RABL2B: variants seen among roughly 807,000 people sequenced by gnomAD.
RABL2B encodes rab-like protein 2B.
Under a neutral mutation model 26.7 loss-of-function variants are expected in RABL2B, and 17 were observed. That is an observed-to-expected ratio of 0.64 (90% CI 0.44 to 0.95). The LOEUF (loss-of-function observed/expected upper bound fraction) is 0.95, where lower values mean the gene tolerates loss of function less well. Ranked by LOEUF, RABL2B falls within the 40% of genes least tolerant of loss-of-function variation. The pLI is 0.00. For missense variants in RABL2B, 170 were observed against 277.2 expected, an observed-to-expected ratio of 0.61 and a Z score of 2.75; for synonymous variants, 70 against 103.9, an observed-to-expected ratio of 0.67 and a Z score of 1.99.
In RABL2B at chr22:50,778,024, T is replaced by C. The variant is rs192355741; in HGVS notation, c.108-43A>G. On this transcript the variant is annotated intron_variant, in intron 2 of 8. Coordinates refer to ENST00000691320, the MANE Select transcript of RABL2B (RefSeq NM_001130919.3). ...AAGGTGGTCAGATGGCGTCTCCATCTCTCCCTCGTCCCAGACTTTTTCACC... is the reference window on the plus strand; with the variant it reads ...AAGGTGGTCAGATGGCGTCTCCATCCCTCCCTCGTCCCAGACTTTTTCACC... The C allele has an allele frequency of 2.9e-4, 469 of 1,613,844 alleles. 2 individuals are homozygous for C. The African/African-American group carries it at 5.7e-3, about 20-fold the overall frequency.
rs1555924639 is a variant in RABL2B, at chr22:50,776,753, C to T, written c.138-4G>A. 6.2e-7 allele frequency: 1 copy of T among 1,605,150 alleles called. No individual in the cohort carries two copies. The highest frequency in any genetic ancestry group is 1.1e-5 in the South Asian group (1 of 89,354). Reference sequence around the variant, plus strand: ...CGTGGACAGCTGCTGTGGCTGACTGCACTCAGGTTAAGGAGCAAAATCAAT... The same window carrying T: ...CGTGGACAGCTGCTGTGGCTGACTGTACTCAGGTTAAGGAGCAAAATCAAT... On this transcript the variant is annotated splice_polypyrimidine_tract_variant and splice_region_variant and intron_variant, in intron 3 of 8. Transcript: ENST00000691320.
At chr22:50,777,797 A>G in intron 3 of RABL2B, 155 bp downstream of exon 3, 1 of 1,158,364 alleles carries the variant, frequency 8.6e-7, no homozygotes, top group Non-Finnish European at 1.3e-6. Flanking sequence ...ATGTGGGTCA[A>G]TCGGCAAGAA....
chr22:50,774,847 G>A (rs1422580526), intron 5 of RABL2B, among the ~76,000 whole-genome samples: 4 of 151,334 alleles, frequency 2.6e-5, no homozygotes, highest in South Asian at 2.1e-4. Flanking sequence ...GTGTGATCTC[G>A]GCTCACTGCA....
rs1417257146 is a variant in RABL2B, at chr22:50,767,885, G to C, written c.*891C>G. 1.1e-5 allele frequency: 4 copies of C among 359,872 alleles called. No homozygotes were observed. Among genetic ancestry groups the C allele is most frequent in the African/African-American group, 2.2e-5 (1 of 45,304 alleles). The allele number at this position is 359,872 out of a possible 1,614,324, so 22.3% of individuals were successfully genotyped here. On this transcript the variant is annotated 3_prime_UTR_variant, in exon 9 of 9. Transcript: ENST00000691320. Reference sequence around the variant, plus strand: ...GTTCCTGTGATCTCAGCTTTACCTAGAAGAGCTCCTGAAACAGAATGGGTA... The same window carrying C: ...GTTCCTGTGATCTCAGCTTTACCTACAAGAGCTCCTGAAACAGAATGGGTA...
intron 3 of RABL2B, among the ~76,000 whole-genome samples, chr22:50,777,419 C>G (rs1169783641): frequency 2.1e-5 from 3 of 141,962 alleles, no homozygotes; most frequent in Non-Finnish European, 3.0e-5. Context: ...TCCAGGGGCT[C>G]CTCTCACCTG....
At chr22:50,775,678 C>G (rs1442175135) in intron 5 of RABL2B, 94 bp downstream of exon 5, 2 of 1,366,848 alleles carry the variant, frequency 1.5e-6, no homozygotes, top group Admixed American at 1.8e-5. Context: ...CCACAACACC[C>G]AGACTTGGTT....
In RABL2B at chr22:50,772,909, A is replaced by G; in HGVS notation, c.297+2863T>C. 4 of 1,203,312 alleles carry G rather than the reference A, an allele frequency of 3.3e-6. No homozygotes were observed. In the South Asian group the frequency reaches 6.2e-5, roughly 19 times the overall value. The allele number at this position is 1,203,312 out of a possible 1,614,324, so 74.5% of individuals were successfully genotyped here. ...CTCAAGGTTTCAAGGTGGAGGGTCG[A>G]GCCCTGGTTCCGTCTCTGACCCTCA... On this transcript the variant is annotated intron_variant, in intron 5 of 8. Coordinates refer to ENST00000691320, the MANE Select transcript of RABL2B (RefSeq NM_001130919.3).
At chr22:50,776,596 C>A in intron 4 of RABL2B, 74 bp downstream of exon 4, 4 of 1,549,208 alleles carry the variant, frequency 2.6e-6, no homozygotes, top group Non-Finnish European at 2.6e-6. Flanking sequence ...TCCTTATGAA[C>A]CTTCCCTCAC....
intron 2 of RABL2B, among the ~76,000 whole-genome samples, chr22:50,781,130 G>T (rs1317337760): frequency 6.6e-6 from 1 of 152,092 alleles, no homozygotes; most frequent in South Asian, 2.1e-4. Context: ...CACAAGGTCC[G>T]GAGATCAAGA....
At chr22:50,772,277 C>T in intron 5 of RABL2B, 1 of 975,242 alleles carries the variant, frequency 1.0e-6, no homozygotes, top group Non-Finnish European at 1.2e-6. Context: ...GATCTGCCCG[C>T]CTAGGCCTCC....
chr22:50,782,599 C>T (rs1443018395), intron 1 of RABL2B, among the ~76,000 whole-genome samples: 2 of 151,942 alleles, frequency 1.3e-5, no homozygotes, highest in Non-Finnish European at 2.9e-5. Flanking sequence ...CACCAGGCAT[C>T]CAGTGCCAAA....
intron 1 of RABL2B, 100 bp from the exon 2 acceptor site, chr22:50,782,447 C>G: frequency 6.6e-7 from 1 of 1,505,746 alleles, no homozygotes; most frequent in Non-Finnish European, 9.0e-7. Flanking sequence ...CAGTGCCAGA[C>G]TGAGATATGG....
At chr22:50,771,998 TTTTA>T (rs1281549110) in intron 5 of RABL2B, 2 of 152,142 alleles carry the variant, frequency 1.3e-5, no homozygotes, top group Admixed American at 6.5e-5. Context: ...CCTATTTTAT[TTTTA>T]TTTATTTATG....
rs1249293051 is a variant in RABL2B, at chr22:50,783,520, C to G, written c.-73G>C. ...CCTCACGTGCGGTTCCGAGTGAGGG[C>G]TGGAGAGACCAGGGACGCTGCGGGT... On this transcript the variant is annotated 5_prime_UTR_variant, in exon 1 of 9. Transcript: ENST00000691320. The G allele has an allele frequency of 2.8e-4, 43 of 152,368 alleles. No homozygotes were observed. Among genetic ancestry groups the G allele is most frequent in the African/African-American group, 1.0e-3 (43 of 41,594 alleles). 9.4% of individuals were successfully genotyped at this position (152,368 alleles called of 1,614,324 possible).
intron 5 of RABL2B, among the ~76,000 whole-genome samples, chr22:50,773,512 C>A (rs2084502294): frequency 6.6e-6 from 1 of 151,872 alleles, no homozygotes; most frequent in African/African-American, 2.4e-5. Context: ...CACAGACAGT[C>A]CATGTTGTGG....
At chr22:50,782,927 CA>C (rs201401152) in intron 1 of RABL2B, 2,569 of 143,634 alleles carry the variant, frequency 0.018, 22 homozygotes, top group African/African-American at 0.064. Context: ...TGTGCCACCA[CA>C]CAGCTACTGC....
chr22:50,772,924 T>C (rs2084400657), intron 5 of RABL2B: 1 of 1,211,328 alleles, frequency 8.3e-7, no homozygotes, highest in Non-Finnish European at 1.1e-6. Flanking sequence ...TGGTTCCGTC[T>C]CTGACCCTCA....
At position 50,776,698 on chromosome 22, in the gene RABL2B, G is replaced by T; in HGVS notation, c.189C>A (p.Ala63=). 6.2e-7 allele frequency: 1 copy of T among 1,611,798 alleles called. No homozygotes were observed. Among genetic ancestry groups the T allele is most frequent in the Admixed American group, 1.7e-5 (1 of 59,814 alleles). ...TYALTLYKHT[A]TVDGRTILVD... is the part of the protein sequence containing the mutation. ...CAAGGATGGTCCTTCCATCTACCGT[G>T]GCTGTGTGCTTGTACAGGGTCAGGG... The change falls in exon 4 of 9, where the codon GCC becomes GCA. Residue 63 remains alanine (A), a synonymous_variant. Coordinates refer to ENST00000691320, the MANE Select transcript of RABL2B (RefSeq NM_001130919.3).
chr22:50,770,213 G>A lies in RABL2B; in HGVS notation c.298-197C>T, dbSNP rs1555917358. ...CCCTGGAGCCTCCAGATGCGAAAAT[G>A]TTTTTAAAAATCTTATTCTTGGCCC... On this transcript the variant is annotated intron_variant, in intron 5 of 8. Coordinates refer to ENST00000691320, the MANE Select transcript of RABL2B (RefSeq NM_001130919.3). 4 of 645,764 alleles carry A rather than the reference G, an allele frequency of 6.2e-6. No homozygotes were observed. The East Asian group carries it at 8.9e-5, about 14-fold the overall frequency. The allele number at this position is 645,764 out of a possible 1,614,324, so 40.0% of individuals were successfully genotyped here.
Sources: gnomAD v4.1 joint callset for allele counts (sites outside exome capture counted in the v4.1 genomes callset) on GRCh38, gnomAD v4.1.1 for gene constraint, MANE v1.5 for transcripts, NCBI Gene and HGNC (gene_info 2026-07-23, HGNC 2026-07-21) for gene names.